CALD1: variants seen among roughly 807,000 people sequenced by gnomAD.
CALD1 encodes caldesmon 1.
CALD1 carries 33 observed loss-of-function variants against 99.9 expected under a neutral mutation model. The ratio of observed to expected loss-of-function variants is 0.33; its 90% CI spans 0.25 to 0.44. The LOEUF (loss-of-function observed/expected upper bound fraction) is 0.44. CALD1 is among the 20% of genes least tolerant of loss of function. The probability of loss-of-function intolerance (pLI) is 1.00; values close to 1 mark genes in which losing one functional copy is unlikely to be tolerated. For missense variants in CALD1, 861 were observed against 962.1 expected (o/e 0.89, Z 1.39); for synonymous variants, 310 against 325.0 (o/e 0.95, Z 0.50).
At chr7:134,947,995 C>T (rs561711594) in intron 8 of CALD1, 2 of 480,908 alleles carry the variant, frequency 4.2e-6, no homozygotes, top group South Asian at 4.6e-5. Context: ...AAAACTGAGG[C>T]ACAGAGAGGT....
intron 7 of CALD1, among the ~76,000 whole-genome samples, chr7:134,943,369 A>C (rs1806609013): frequency 6.6e-6 from 1 of 152,168 alleles, no homozygotes; most frequent in South Asian, 2.1e-4. Context: ...CCTAATGCTG[A>C]GGTCATGCAC....
intron 1 of CALD1, among the ~76,000 whole-genome samples, chr7:134,795,702 A>T (rs954971371): frequency 6.6e-6 from 1 of 151,764 alleles, no homozygotes; most frequent in Non-Finnish European, 1.5e-5. Context: ...TATGGCTGGA[A>T]ATGTGCTATT....
chr7:134,816,169 A>G (rs1414298122), intron 1 of CALD1, among the ~76,000 whole-genome samples: 8 of 152,200 alleles, frequency 5.3e-5, no homozygotes, highest in Non-Finnish European at 1.0e-4. Flanking sequence ...AGAGTTTGTT[A>G]TGCACAAATA....
chr7:134,760,202 G>A (rs1177978935), intron 1 of CALD1, among the ~76,000 whole-genome samples: 9 of 152,192 alleles, frequency 5.9e-5, no homozygotes, highest in African/African-American at 1.9e-4. Flanking sequence ...GGACTTATAG[G>A]ATTGTACCCT....
chr7:134,964,606 C>T (rs1024735127), intron 13 of CALD1, among the ~76,000 whole-genome samples: 15 of 152,070 alleles, frequency 9.9e-5, no homozygotes, highest in Admixed American at 3.9e-4. Context: ...GGCAGAGAAG[C>T]GCTGTGTGGG....
intron 1 of CALD1, among the ~76,000 whole-genome samples, chr7:134,821,646 A>G (rs191916764): frequency 0.28 from 30,250 of 109,372 alleles, 5,501 homozygotes; most frequent in East Asian, 0.58. Context: ...GCAATGGCAC[A>G]ATCTTGGCTC....
chr7:134,757,162 C>T (rs1796737341), intron 1 of CALD1, among the ~76,000 whole-genome samples: 1 of 151,932 alleles, frequency 6.6e-6, no homozygotes, highest in Non-Finnish European at 1.5e-5. Flanking sequence ...CAAATAAACC[C>T]CTGAAGCATA....
chr7:134,768,672 C>T (rs1488128406), intron 1 of CALD1, among the ~76,000 whole-genome samples: 1 of 151,966 alleles, frequency 6.6e-6, no homozygotes, highest in Non-Finnish European at 1.5e-5. Flanking sequence ...ATTTATATTG[C>T]AATTTTTTAA....
chr7:134,860,460 G>A (rs916453070), intron 2 of CALD1, among the ~76,000 whole-genome samples: 1 of 152,102 alleles, frequency 6.6e-6, no homozygotes, highest in Non-Finnish European at 1.5e-5. Flanking sequence ...AATTACCAAG[G>A]TCTTTGATTC....
chr7:134,715,634 G>A, the CALD1 span, among the ~76,000 whole-genome samples: 21 of 152,126 alleles, frequency 1.4e-4, no homozygotes, highest in African/African-American at 3.6e-4. Flanking sequence ...AATTTTATAC[G>A]TATATATGTA....
At chr7:134,921,117 G>A (rs62479557) in intron 3 of CALD1, among the ~76,000 whole-genome samples, 6 of 152,146 alleles carry the variant, frequency 3.9e-5, no homozygotes, top group Non-Finnish European at 7.4e-5. Flanking sequence ...TTGTTCTCTA[G>A]CGGTGAAGAT....
At chr7:134,804,587 C>T (rs1798065341) in intron 1 of CALD1, among the ~76,000 whole-genome samples, 1 of 152,212 alleles carries the variant, frequency 6.6e-6, no homozygotes, top group African/African-American at 2.4e-5. Context: ...TTTCCTGGTT[C>T]CCATTATTCC....
chr7:134,833,849 G>A (rs894770159), intron 1 of CALD1, among the ~76,000 whole-genome samples: 9 of 152,116 alleles, frequency 5.9e-5, no homozygotes, highest in South Asian at 4.1e-4. Flanking sequence ...AATCCCAAGC[G>A]GGGCCTAACT....
At chr7:134,759,705 C>T (rs909380399) in intron 1 of CALD1, among the ~76,000 whole-genome samples, 11 of 152,202 alleles carry the variant, frequency 7.2e-5, no homozygotes, top group African/African-American at 1.7e-4. Flanking sequence ...AACCTTTATC[C>T]ATGAACCATT....
At chr7:134,961,099 A>G (rs905853641) in intron 13 of CALD1, 1 of 152,448 alleles carries the variant, frequency 6.6e-6, no homozygotes, top group African/African-American at 2.4e-5. Flanking sequence ...AAATGCAGTT[A>G]TTGGGTAGCT....
intron 1 of CALD1, among the ~76,000 whole-genome samples, chr7:134,769,176 T>G (rs900145524): frequency 3.3e-5 from 5 of 152,100 alleles, no homozygotes; most frequent in African/African-American, 1.2e-4. Context: ...TTGCAGCATT[T>G]TTAACAATGT....
At chr7:134,753,639 A>G (rs1429040739) in intron 1 of CALD1, among the ~76,000 whole-genome samples, 1 of 152,196 alleles carries the variant, frequency 6.6e-6, no homozygotes, top group Non-Finnish European at 1.5e-5. Context: ...TGCAAAGACT[A>G]TGACTTTGCA....
chr7:134,713,981 T>C, the CALD1 span, among the ~76,000 whole-genome samples: 3 of 152,072 alleles, frequency 2.0e-5, no homozygotes, highest in Admixed American at 1.3e-4. Context: ...GGGGGATGGA[T>C]TTCCCCTTTG....
At chr7:134,754,063 G>A (rs1325706431) in intron 1 of CALD1, among the ~76,000 whole-genome samples, 1 of 152,204 alleles carries the variant, frequency 6.6e-6, no homozygotes, top group Non-Finnish European at 1.5e-5. Context: ...ACTTCTGTGG[G>A]ATGAGATGAA....
Sources: gnomAD v4.1 joint callset for allele counts (sites outside exome capture counted in the v4.1 genomes callset) on GRCh38, gnomAD v4.1.1 for gene constraint, MANE v1.5 for transcripts, NCBI Gene and HGNC (gene_info 2026-07-23, HGNC 2026-07-21) for gene names.